Variants in EPB41L4A observed in about 807,000 individuals in gnomAD.
EPB41L4A encodes erythrocyte membrane protein band 4.1 like 4A.
Under a neutral mutation model 108.6 loss-of-function variants are expected in EPB41L4A, and 100 were observed. The ratio of observed to expected loss-of-function variants is 0.92; its 90% confidence interval spans 0.78 to 1.09. The LOEUF is 1.09. Among genes scored for constraint, EPB41L4A ranks in the 50% least tolerant of loss-of-function variants. The probability of loss-of-function intolerance (pLI) is 0.00; values close to 1 mark genes in which losing one functional copy is unlikely to be tolerated. For synonymous variants in EPB41L4A, 319 were observed against 289.0 expected, an observed-to-expected ratio of 1.10 and a Z score of -1.05; for missense variants, 1,030 against 842.7, an observed-to-expected ratio of 1.22 and a Z score of -2.75.
At chr5:112,370,733 G>T (rs531000699) in intron 1 of EPB41L4A, among the ~76,000 whole-genome samples, 1 of 152,128 alleles carries the variant, frequency 6.6e-6, no homozygotes, top group African/African-American at 2.4e-5. Context: ...TGGCCAACAC[G>T]GCAAAACCCT....
chr5:112,167,898 T>A (rs1296118936), intron 22 of EPB41L4A, among the ~76,000 whole-genome samples: 2 of 152,206 alleles, frequency 1.3e-5, no homozygotes, highest in African/African-American at 4.8e-5. Context: ...TCTTACGTGG[T>A]CCAAAAACTG....
At position 112,151,349 on chromosome 5, in the gene EPB41L4A, GT is replaced by G. The variant is rs534696530; in HGVS notation, n.995-5352del. Among the ~76,000 whole-genome samples, 327 of 141,768 alleles carry G rather than the reference GT, an allele frequency of 2.3e-3. 4 individuals carry two copies. The East Asian group carries it at 0.041, about 18-fold the overall frequency. The allele number at this position is 141,768 out of a possible 152,430, so 93.0% of individuals were successfully genotyped here. On this transcript the variant is annotated intron_variant and non_coding_transcript_variant, in intron 12 of 13. Transcript: ENST00000507810. ...AGCATCAGACATTTCTAAGGTCCTT[GT>G]TTTTTTTTTTATTCAAGAAGAGGAT...
intron 1 of EPB41L4A, among the ~76,000 whole-genome samples, chr5:112,362,517 G>A (rs950184377): frequency 3.3e-5 from 5 of 152,122 alleles, no homozygotes; most frequent in African/African-American, 1.2e-4. Flanking sequence ...CTGACCTTAG[G>A]TGATCCGCCC....
chr5:112,205,364 T>G, intron 14 of EPB41L4A, 57 bp downstream of exon 14: 1 of 1,392,226 alleles, frequency 7.2e-7, no homozygotes, highest in Non-Finnish European at 1.0e-6. Context: ...TTCAATGAGC[T>G]GCATGTACTA....
chr5:112,277,071 C>A (rs145391054), intron 3 of EPB41L4A, among the ~76,000 whole-genome samples: 95 of 152,296 alleles, frequency 6.2e-4, no homozygotes, highest in African/African-American at 2.2e-3. Flanking sequence ...GAGGCACAGA[C>A]TATTAAATAT....
At chr5:112,347,655 T>C (rs1449500713) in intron 1 of EPB41L4A, among the ~76,000 whole-genome samples, 3 of 152,248 alleles carry the variant, frequency 2.0e-5, no homozygotes, top group Non-Finnish European at 4.4e-5. Flanking sequence ...TTTCACTGTC[T>C]GAGCTTTGGG....
At chr5:112,171,341 G>A (rs1030455096) in intron 18 of EPB41L4A, among the ~76,000 whole-genome samples, 1 of 152,146 alleles carries the variant, frequency 6.6e-6, no homozygotes, top group Non-Finnish European at 1.5e-5. Context: ...TGTAAGTAAT[G>A]GTAAAAGAAG....
At chr5:112,257,695 A>G (rs1751204556) in intron 9 of EPB41L4A, among the ~76,000 whole-genome samples, 1 of 152,226 alleles carries the variant, frequency 6.6e-6, no homozygotes, top group South Asian at 2.1e-4. Flanking sequence ...ACTCACAAAA[A>G]TAACTTATAA....
intron 19 of EPB41L4A, among the ~76,000 whole-genome samples, chr5:112,170,612 T>C (rs901508054): frequency 6.6e-6 from 1 of 152,232 alleles, no homozygotes; most frequent in African/African-American, 2.4e-5. Context: ...CCCATTTCCC[T>C]ATAAAAGATC....
downstream of EPB41L4A, chr5:112,161,594 G>A (rs1168379959): frequency 1.9e-6 from 1 of 519,078 alleles, no homozygotes; most frequent in Non-Finnish European, 3.8e-6. Flanking sequence ...TACCTTTGGT[G>A]TAGGAGCTGC....
At chr5:112,240,420 A>G (rs1046075266) in intron 10 of EPB41L4A, among the ~76,000 whole-genome samples, 1 of 152,196 alleles carries the variant, frequency 6.6e-6, no homozygotes, top group Non-Finnish European at 1.5e-5. Context: ...CACCAATACT[A>G]CATAGGTGCT....
intron 2 of EPB41L4A, among the ~76,000 whole-genome samples, chr5:112,301,679 G>A (rs147084889): frequency 5.1e-4 from 78 of 152,250 alleles, no homozygotes; most frequent in Middle Eastern, 3.4e-3. Flanking sequence ...TGCACGATCC[G>A]TCCGAGTGGG....
chr5:112,239,275 A>G (rs1749597378), intron 11 of EPB41L4A, among the ~76,000 whole-genome samples: 3 of 152,374 alleles, frequency 2.0e-5, no homozygotes, highest in Middle Eastern at 3.4e-3. Context: ...CACAATATAA[A>G]AAGTATAGAT....
chr5:112,224,779 T>A (rs961997817), intron 12 of EPB41L4A, among the ~76,000 whole-genome samples: 30 of 152,166 alleles, frequency 2.0e-4, no homozygotes, highest in Admixed American at 1.6e-3. Context: ...GACCACAGAC[T>A]TGGACCATAA....
At chr5:112,171,128 G>C (rs955111982) in intron 18 of EPB41L4A, 136 bp from the exon 19 acceptor site, 1 of 722,034 alleles carries the variant, frequency 1.4e-6, no homozygotes, top group Non-Finnish European at 2.3e-6. Context: ...TGGACAGGGA[G>C]AGCCATTGTG....
intron 2 of EPB41L4A, among the ~76,000 whole-genome samples, chr5:112,301,712 C>G (rs1032652947): frequency 2.0e-5 from 3 of 152,088 alleles, no homozygotes; most frequent in African/African-American, 7.2e-5. Context: ...GTCCTGCCCC[C>G]TGTCTGTCAA....
At chr5:112,335,433 T>G (rs576452343) in intron 1 of EPB41L4A, among the ~76,000 whole-genome samples, 30 of 152,300 alleles carry the variant, frequency 2.0e-4, no homozygotes, top group African/African-American at 6.3e-4. Flanking sequence ...CTATATAGTT[T>G]AAGAGATACA....
chr5:112,154,016 C>G (rs1220843813), intron 12 of EPB41L4A, among the ~76,000 whole-genome samples: 1 of 152,010 alleles, frequency 6.6e-6, no homozygotes, highest in Non-Finnish European at 1.5e-5. Flanking sequence ...TGGCACACAC[C>G]AATATGGCCA....
chr5:112,148,751 G>T (rs1044636334), intron 12 of EPB41L4A, among the ~76,000 whole-genome samples: 1 of 152,010 alleles, frequency 6.6e-6, no homozygotes, highest in African/African-American at 2.4e-5. Flanking sequence ...AAACTACATA[G>T]ACATTATTTT....
Sources: gnomAD v4.1 joint callset for allele counts (sites outside exome capture counted in the v4.1 genomes callset) on GRCh38, gnomAD v4.1.1 for gene constraint, MANE v1.5 for transcripts, NCBI Gene and HGNC (gene_info 2026-07-23, HGNC 2026-07-21) for gene names.